Variants in AP5M1 observed in about 807,000 individuals in gnomAD.
The protein encoded by AP5M1 is adaptor related protein complex 5 subunit mu 1.
AP5M1 carries 44 observed loss-of-function variants against 52.3 expected under a neutral mutation model. The observed-to-expected ratio is 0.84, with a 90% confidence interval of 0.66 to 1.08. AP5M1 has a LOEUF of 1.08. AP5M1 is among the 50% of genes least tolerant of loss of function. The pLI, the probability that AP5M1 is intolerant of heterozygous loss-of-function variation, is 0.00. For synonymous variants in AP5M1, 213 were observed against 199.0 expected, an observed-to-expected ratio of 1.07 and a Z score of -0.59; for missense variants, 526 against 568.4, an observed-to-expected ratio of 0.93 and a Z score of 0.76.
chr14:57,283,318 C>A, intron 6 of AP5M1, 88 bp downstream of exon 6: 1 of 784,206 alleles, frequency 1.3e-6, no homozygotes, highest in Non-Finnish European at 2.0e-6. Context: ...TGTTTTCCAC[C>A]AATTGTTTTA....
rs140955366 is a variant in AP5M1, at chr14:57,279,200, A to C, written c.721-995A>C. Among the ~76,000 whole-genome samples, 1,106 of 152,288 alleles carry C rather than the reference A, an allele frequency of 7.3e-3. 13 individuals are homozygous for C. The highest frequency in any genetic ancestry group is 0.011 in the Non-Finnish European group (715 of 68,022). The stretch of plus-strand genomic sequence containing the variant: ...TTGGGTATATACCCAAAGAAATATA[A>C]ATCATTCTGTTATAAAGATACATAC... On this transcript the variant is annotated intron_variant, in intron 2 of 7. Coordinates refer to ENST00000261558, the MANE Select transcript of AP5M1 (RefSeq NM_018229.4).
At chr14:57,275,869 C>T (rs930103932) in intron 2 of AP5M1, among the ~76,000 whole-genome samples, 5 of 152,164 alleles carry the variant, frequency 3.3e-5, no homozygotes, top group African/African-American at 1.2e-4. Flanking sequence ...ATAAAATCCT[C>T]CAGGTAAACT....
Position 57,280,309 on chromosome 14 carries a change from A to G in AP5M1, c.835A>G (p.Ile279Val). The change falls in exon 3 of 8, where the codon ATT becomes GTT. Residue 279 changes from isoleucine (I) to valine (V), a missense_variant. Ile to Val is a conservative substitution (Grantham distance 29). Around this residue, in one of 3 missense-constraint regions of AP5M1, gnomAD observed 425 missense variants for 430.6 expected, o/e 0.99. Transcript: ENST00000261558. ...HPCVTSLDSA[I>V]LTSSSIDAMD... The stretch of plus-strand genomic sequence containing the variant: ...TTGTGTAACTTCTCTTGACTCTGCA[A>G]TTCTGACTTCTAGTAGTATTGATGC... 1 of 1,613,952 alleles carries G rather than the reference A, an allele frequency of 6.2e-7. No homozygotes were observed. The highest frequency in any genetic ancestry group is 8.5e-7 in the Non-Finnish European group (1 of 1,179,834).
rs1333161995 is a variant in AP5M1 at position 57,294,507 on chromosome 14, C to T, written c.*5623C>T. On this transcript the variant is annotated 3_prime_UTR_variant, in exon 8 of 8. Transcript: ENST00000261558. ...TGATTTTTCTCTTTCATACACATAG[C>T]CTGCTTACACCCAATTTCAAAGAAA... The T allele has an allele frequency of 6.6e-6, 1 of 151,866 alleles. No homozygotes were observed. The highest frequency in any genetic ancestry group is 2.4e-5 in the African/African-American group (1 of 41,408). 9.4% of individuals were successfully genotyped at this position (151,866 alleles called of 1,614,324 possible). A position where few individuals can be genotyped will look rare whatever the true frequency, so the allele number is the denominator to read the frequency against.
chr14:57,272,700 G>T (rs186949166), intron 1 of AP5M1, among the ~76,000 whole-genome samples: 57 of 152,146 alleles, frequency 3.7e-4, no homozygotes, highest in African/African-American at 1.4e-3. Flanking sequence ...ATAAGAGATT[G>T]GACTAGAGTT....
rs1472090388 is a variant in AP5M1 at position 57,291,308 on chromosome 14, G to A, written c.*2424G>A. 3 of 151,570 alleles carry A rather than the reference G, an allele frequency of 2.0e-5. No individual in the cohort carries two copies. The highest frequency in any genetic ancestry group is 4.4e-5 in the Non-Finnish European group (3 of 67,806). 9.4% of individuals were successfully genotyped at this position (151,570 alleles called of 1,614,324 possible). On this transcript the variant is annotated 3_prime_UTR_variant, in exon 8 of 8. Transcript: ENST00000261558. ...CAAAATTGCTAAATTCCCTTTTAGT[G>A]CCAAAATATGATTATGAAATCTGAT...
chr14:57,284,612 G>A (rs1885264441), intron 6 of AP5M1, among the ~76,000 whole-genome samples: 1 of 152,136 alleles, frequency 6.6e-6, no homozygotes, highest in Non-Finnish European at 1.5e-5. Context: ...TGTAAAAGCT[G>A]TGATAAAATA....
In AP5M1 at chr14:57,274,348, G is replaced by GATTATTGGAT; in HGVS notation, c.180_189dup (p.Asp64IlefsTer4). 6.2e-7 allele frequency: 1 copy of GATTATTGGAT among 1,614,142 alleles called. No individual in the cohort carries two copies. Among genetic ancestry groups the GATTATTGGAT allele is most frequent in the Non-Finnish European group, 8.5e-7 (1 of 1,180,020 alleles). On this transcript the variant is annotated frameshift_variant, in exon 2 of 8. Coordinates refer to ENST00000261558, the MANE Select transcript of AP5M1 (RefSeq NM_018229.4). LOFTEE classifies it high-confidence loss of function. ...CTTAAAGCACTGCTCTTTGAACTTA[G>GATTATTGGAT]ATTATTGGATGATGATAAAGACTTC...
At chr14:57,288,745 T>C (rs1238265487) in intron 7 of AP5M1, 57 bp from the exon 8 acceptor site, 3 of 1,055,830 alleles carry the variant, frequency 2.8e-6, no homozygotes, top group Non-Finnish European at 4.4e-6. Context: ...ATGACTTTGC[T>C]CTCGTTGAAT....
At chr14:57,272,418 G>A (rs190845035) in intron 1 of AP5M1, among the ~76,000 whole-genome samples, 30 of 152,104 alleles carry the variant, frequency 2.0e-4, no homozygotes, top group African/African-American at 2.9e-4. Context: ...TAAGATTCTG[G>A]TTTAAAGGTT....
intron 2 of AP5M1, among the ~76,000 whole-genome samples, chr14:57,275,885 C>T (rs887849986): frequency 1.3e-5 from 2 of 152,182 alleles, no homozygotes; most frequent in Admixed American, 6.5e-5. Flanking sequence ...AAACTTCCTA[C>T]AAGTTTATAT....
Position 57,274,352 on chromosome 14 carries a change from A to T in AP5M1, c.183A>T (p.Leu61Phe). The T allele has an allele frequency of 6.2e-7, 1 of 1,614,188 alleles. No homozygotes were observed. The highest frequency in any genetic ancestry group is 8.5e-7 in the Non-Finnish European group (1 of 1,180,020). ...AAGCACTGCTCTTTGAACTTAGATT[A>T]TTGGATGATGATAAAGACTTCGTTG... is the stretch of plus-strand genomic sequence containing the variant. ...FLKALLFELR[L>F]LDDDKDFVES... Residue 61 changes from leucine to phenylalanine, a missense_variant, in exon 2 of 8, where the codon TTA becomes TTT. Physicochemically the swap from Leu to Phe is conservative, Grantham distance 22 (BLOSUM62 0). This residue lies in a region of AP5M1 where 425 missense variants were observed against 430.6 expected (regional missense o/e 0.99). Transcript: ENST00000261558.
Position 57,293,228 on chromosome 14 carries a change from T to G in AP5M1, c.*4344T>G, listed in dbSNP as rs1019593876. ...TCGGGATTTATTCCTCCAGTATATT[T>G]TAAGACCTTTAAAAAAAAAGTATAG... is the stretch of plus-strand genomic sequence containing the variant. On this transcript the variant is annotated 3_prime_UTR_variant, in exon 8 of 8. Transcript: ENST00000261558. 2 of 151,702 alleles carry G rather than the reference T, an allele frequency of 1.3e-5. No individual in the cohort carries two copies. The highest frequency in any genetic ancestry group is 4.1e-4 in the South Asian group (2 of 4,834). 9.4% of individuals were successfully genotyped at this position (151,702 alleles called of 1,614,324 possible). A position where few individuals can be genotyped will look rare whatever the true frequency, so the allele number is the denominator to read the frequency against.
rs1358122661 is a variant in AP5M1, at chr14:57,297,603, A to G, written c.*8719A>G. The G allele has an allele frequency of 1.3e-5, 2 of 151,962 alleles. No individual in the cohort carries two copies. The highest frequency in any genetic ancestry group is 4.8e-5 in the African/African-American group (2 of 41,390). 9.4% of individuals were successfully genotyped at this position (151,962 alleles called of 1,614,324 possible). On this transcript the variant is annotated 3_prime_UTR_variant, in exon 8 of 8. Coordinates refer to ENST00000261558, the MANE Select transcript of AP5M1 (RefSeq NM_018229.4). ...GTGTGTGTGTGCATGTGTGGAAAAC[A>G]AGAAAAATACAAGCTCTAGAGTAGT...
rs1242717269 is a variant in AP5M1 at position 57,289,497 on chromosome 14, T to A, written c.*613T>A. The A allele has an allele frequency of 6.6e-6, 1 of 151,996 alleles. No homozygotes were observed. Among genetic ancestry groups the A allele is most frequent in the Non-Finnish European group, 1.5e-5 (1 of 67,936 alleles). The allele number at this position is 151,996 out of a possible 1,614,324, so 9.4% of individuals were successfully genotyped here. ...TAATCAGAACTATCCTATTGACTAA[T>A]AAATAATCTGCATAATTCTACTTAA... is the stretch of plus-strand genomic sequence containing the variant. On this transcript the variant is annotated 3_prime_UTR_variant, in exon 8 of 8. Coordinates refer to ENST00000261558, the MANE Select transcript of AP5M1 (RefSeq NM_018229.4).
At chr14:57,271,629 G>T (rs1361290576) in intron 1 of AP5M1, among the ~76,000 whole-genome samples, 1 of 141,534 alleles carries the variant, frequency 7.1e-6, no homozygotes, top group Non-Finnish European at 1.5e-5. Flanking sequence ...ATTTACCATT[G>T]TCAATTAACT....
At chr14:57,286,168 C>A in intron 6 of AP5M1, 55 bp from the exon 7 acceptor site, 1 of 1,205,638 alleles carries the variant, frequency 8.3e-7, no homozygotes, top group South Asian at 1.3e-5. Flanking sequence ...AAAATGTAAC[C>A]ATGCTTTTTA....
In AP5M1 at chr14:57,292,668, C is replaced by G. The variant is rs1885463557; in HGVS notation, c.*3784C>G. 1 of 151,756 alleles carries G rather than the reference C, an allele frequency of 6.6e-6. No individual in the cohort carries two copies. Among genetic ancestry groups the G allele is most frequent in the South Asian group, 2.1e-4 (1 of 4,832 alleles). 9.4% of individuals were successfully genotyped at this position (151,756 alleles called of 1,614,324 possible). On this transcript the variant is annotated 3_prime_UTR_variant, in exon 8 of 8. Transcript: ENST00000261558. ...GTTTCATGCACTAGGGTATACTTAA[C>G]TGGCCTTGACATAACCAAAAATCAA...
rs970864361 is a variant in AP5M1 at position 57,294,144 on chromosome 14, C to G, written c.*5260C>G. ...AGGTCTGGTTGATTTCTCTAATGCC[C>G]TAGCTAATCTGCCTAATTGACATCA... On this transcript the variant is annotated 3_prime_UTR_variant, in exon 8 of 8. Coordinates refer to ENST00000261558, the MANE Select transcript of AP5M1 (RefSeq NM_018229.4). 1 of 151,812 alleles carries G rather than the reference C, an allele frequency of 6.6e-6. No individual in the cohort carries two copies. The highest frequency in any genetic ancestry group is 2.4e-5 in the African/African-American group (1 of 41,384). The allele number at this position is 151,812 out of a possible 1,614,324, so 9.4% of individuals were successfully genotyped here. A position where few individuals can be genotyped will look rare whatever the true frequency, so the allele number is the denominator to read the frequency against.
Sources: allele counts gnomAD v4.1 joint callset (sites outside exome capture counted in the v4.1 genomes callset), GRCh38; gene constraint gnomAD v4.1.1; regional missense constraint gnomAD v4.1.1; transcripts MANE v1.5; gene names NCBI Gene and HGNC (gene_info 2026-07-23, HGNC 2026-07-21).